CLVS1: variants seen among roughly 807,000 people sequenced by gnomAD.
CLVS1 encodes clavesin 1.
In CLVS1, 10 loss-of-function variants were observed where a neutral mutation model predicts 33.1. The observed-to-expected ratio is 0.30, with a 90% CI of 0.19 to 0.51. The LOEUF (loss-of-function observed/expected upper bound fraction) is 0.51, where lower values mean the gene tolerates loss of function less well. CLVS1 is among the 20% of genes least tolerant of loss of function. The pLI, the probability that CLVS1 is intolerant of heterozygous loss-of-function variation, is 0.97. For synonymous variants in CLVS1, 163 were observed against 166.1 expected, an observed-to-expected ratio of 0.98 and a Z score of 0.14; for missense variants, 343 against 433.4, an observed-to-expected ratio of 0.79 and a Z score of 1.85.
chr8:61,501,061 A>C lies in CLVS1; in HGVS notation c.*1519A>C, dbSNP rs1804815874. On this transcript the variant is annotated 3_prime_UTR_variant, in exon 6 of 6. Coordinates refer to ENST00000325897, the MANE Select transcript of CLVS1 (RefSeq NM_173519.3). ...AAATAAAGTTGAAACAGAATTAAAAATATTTCTCAAACAACTGTATCACAA... is the reference window on the plus strand; with the variant it reads ...AAATAAAGTTGAAACAGAATTAAAACTATTTCTCAAACAACTGTATCACAA... 6.6e-6 allele frequency: 1 copy of C among 152,082 alleles called. No individual in the cohort carries two copies. The highest frequency in any genetic ancestry group is 6.5e-5 in the Admixed American group (1 of 15,278). 9.4% of individuals were successfully genotyped at this position (152,082 alleles called of 1,614,324 possible).
At chr8:61,063,904 G>T (rs942586088) in intron 1 of CLVS1, among the ~76,000 whole-genome samples, 1 of 152,076 alleles carries the variant, frequency 6.6e-6, no homozygotes, top group Non-Finnish European at 1.5e-5. Context: ...CCAGCCTCTG[G>T]TATCCTCTCT....
chr8:61,486,193 A>C (rs1803876925), intron 5 of CLVS1, among the ~76,000 whole-genome samples: 1 of 152,138 alleles, frequency 6.6e-6, no homozygotes, highest in Non-Finnish European at 1.5e-5. Flanking sequence ...ACAGACAAGG[A>C]GCTCAGCTTT....
intron 3 of CLVS1, among the ~76,000 whole-genome samples, chr8:61,421,676 ATG>A (rs1309546376): frequency 2.0e-5 from 3 of 152,208 alleles, no homozygotes; most frequent in Non-Finnish European, 4.4e-5. Context: ...AGGTTTCTGT[ATG>A]TGTTCCACTT....
At chr8:61,325,502 G>T (rs945272749) in intron 2 of CLVS1, among the ~76,000 whole-genome samples, 1 of 152,102 alleles carries the variant, frequency 6.6e-6, no homozygotes, top group African/African-American at 2.4e-5. Context: ...TAAAAACATT[G>T]TGAGTTTCCT....
the CLVS1 span, among the ~76,000 whole-genome samples, chr8:60,978,607 G>A: frequency 1.3e-5 from 2 of 151,966 alleles, no homozygotes; most frequent in African/African-American, 4.8e-5. Flanking sequence ...CTGAGATTGG[G>A]ATTTTGAGAC....
upstream of CLVS1, among the ~76,000 whole-genome samples, chr8:61,286,368 C>A (rs1484200661): frequency 6.6e-6 from 1 of 152,212 alleles, no homozygotes; most frequent in East Asian, 1.9e-4. Context: ...ATCTTAGCCC[C>A]TATGGAGCCA....
intron 1 of CLVS1, among the ~76,000 whole-genome samples, chr8:61,130,267 A>ATAAATAAATAAATAAAG (rs995615267): frequency 6.6e-6 from 1 of 150,524 alleles, no homozygotes; most frequent in African/African-American, 2.4e-5. Context: ...AAATAAATAA[A>ATAAATAAATAAATAAAG]TAAATAAATA....
intron 5 of CLVS1, among the ~76,000 whole-genome samples, chr8:61,480,187 C>T (rs990663921): frequency 2.0e-5 from 3 of 152,216 alleles, no homozygotes; most frequent in African/African-American, 7.2e-5. Flanking sequence ...AGAGGTGGAG[C>T]CTACAGAGGC....
At chr8:61,495,244 C>G (rs1294334538) in intron 5 of CLVS1, among the ~76,000 whole-genome samples, 3 of 152,138 alleles carry the variant, frequency 2.0e-5, no homozygotes, top group Non-Finnish European at 4.4e-5. Flanking sequence ...ACTGCCTCTC[C>G]TCTGACTGGG....
intron 1 of CLVS1, among the ~76,000 whole-genome samples, chr8:61,082,750 A>T (rs1805044249): frequency 6.6e-6 from 1 of 152,220 alleles, no homozygotes; most frequent in Non-Finnish European, 1.5e-5. Context: ...TTGTCCTTCA[A>T]AAGGAAGGGA....
chr8:61,289,224 A>T (rs1025091299), intron 1 of CLVS1, among the ~76,000 whole-genome samples: 1 of 152,218 alleles, frequency 6.6e-6, no homozygotes, highest in Non-Finnish European at 1.5e-5. Context: ...ATAATAGTAA[A>T]GGGTAATAGA....
chr8:60,972,188 G>C, the CLVS1 span, among the ~76,000 whole-genome samples: 1 of 151,968 alleles, frequency 6.6e-6, no homozygotes, highest in African/African-American at 2.4e-5. Flanking sequence ...TGTGACTTGG[G>C]CTTCTCACAG....
chr8:61,258,579 C>T (rs1194432446), intron 2 of CLVS1, among the ~76,000 whole-genome samples: 1 of 152,182 alleles, frequency 6.6e-6, no homozygotes, highest in Non-Finnish European at 1.5e-5. Flanking sequence ...AGAATCAGTT[C>T]TCACCTCTGT....
intron 2 of CLVS1, among the ~76,000 whole-genome samples, chr8:61,132,611 G>A (rs1806121279): frequency 6.6e-6 from 1 of 152,176 alleles, no homozygotes; most frequent in African/African-American, 2.4e-5. Flanking sequence ...TTCCCCTTCT[G>A]TGTGGCACAG....
At chr8:60,997,586 G>A in the CLVS1 span, among the ~76,000 whole-genome samples, 1 of 152,158 alleles carries the variant, frequency 6.6e-6, no homozygotes, top group African/African-American at 2.4e-5. Context: ...TGACCACAAG[G>A]GTTCACAGTC....
intron 2 of CLVS1, among the ~76,000 whole-genome samples, chr8:61,248,017 C>G (rs935827922): frequency 6.6e-6 from 1 of 152,142 alleles, no homozygotes; most frequent in Non-Finnish European, 1.5e-5. Context: ...AGCCAGTTAT[C>G]CCAGTCCCAT....
intron 3 of CLVS1, among the ~76,000 whole-genome samples, chr8:61,447,369 T>C (rs1025577860): frequency 6.6e-5 from 10 of 152,062 alleles, no homozygotes; most frequent in African/African-American, 7.2e-5. Context: ...AGATCATTTA[T>C]ATTTAAATTA....
At chr8:61,464,825 CAG>C (rs1375426041) in intron 5 of CLVS1, 9 of 152,298 alleles carry the variant, frequency 5.9e-5, no homozygotes, top group African/African-American at 1.9e-4. Flanking sequence ...GCAGGATGGG[CAG>C]AGACTGGAGA....
At chr8:61,332,825 G>A (rs1328838131) in intron 2 of CLVS1, among the ~76,000 whole-genome samples, 1 of 151,998 alleles carries the variant, frequency 6.6e-6, no homozygotes, top group Non-Finnish European at 1.5e-5. Context: ...AGTAAAGACG[G>A]TGTTTCACCA....
Sources: allele counts gnomAD v4.1 joint callset (sites outside exome capture counted in the v4.1 genomes callset), GRCh38; gene constraint gnomAD v4.1.1; transcripts MANE v1.5; gene names NCBI Gene and HGNC (gene_info 2026-07-23, HGNC 2026-07-21).